The following MDFIC2 variants were observed in gnomAD, a reference collection of about 807,000 sequenced individuals.
The protein encoded by MDFIC2 is MyoD family inhibitor domain containing 2.
intron 2 of MDFIC2, among the ~76,000 whole-genome samples, chr3:70,209,486 T>C (rs1360484892): frequency 6.6e-6 from 1 of 152,054 alleles, no homozygotes; most frequent in Non-Finnish European, 1.5e-5. Context: ...GAGGTAGATA[T>C]TGTTAGCCTC....
intron 2 of MDFIC2, among the ~76,000 whole-genome samples, chr3:70,292,964 T>A (rs957717800): frequency 4.7e-5 from 7 of 149,426 alleles, no homozygotes; most frequent in Non-Finnish European, 1.5e-5. Flanking sequence ...TACTAACAAT[T>A]TAAATGTTTC....
rs1701176060 is a variant in MDFIC2 at position 70,196,040 on chromosome 3, C to A, written c.*886G>T. 6.6e-6 allele frequency among the ~76,000 whole-genome samples: 1 copy of A among 152,156 alleles called. No individual in the cohort carries two copies. The highest frequency in any genetic ancestry group is 2.1e-4 in the South Asian group (1 of 4,834). On this transcript the variant is annotated 3_prime_UTR_variant, in exon 4 of 4. Transcript: ENST00000567252. ...AAGTACCCTCAACGCTTATTTCTTT[C>A]TGGTGTCTATACAAATGATAGTTTT...
rs756405918 is a variant in MDFIC2, at chr3:70,194,661, C to T, written c.*2265G>A. On this transcript the variant is annotated 3_prime_UTR_variant, in exon 4 of 4. Transcript: ENST00000567252. ...GTTCTGACCACATTACCACATAAGA[C>T]CTGGTGATTTTTATGTCTCTAATTG... Among the ~76,000 whole-genome samples, 27 of 152,148 alleles carry T rather than the reference C, an allele frequency of 1.8e-4. No individual in the cohort carries two copies. Among genetic ancestry groups the T allele is most frequent in the Non-Finnish European group, 3.5e-4 (24 of 68,032 alleles).
intron 3 of MDFIC2, among the ~76,000 whole-genome samples, chr3:70,199,380 GAA>G (rs78677995): frequency 6.7e-6 from 1 of 149,680 alleles, no homozygotes; most frequent in Admixed American, 6.7e-5. Context: ...ATTTACAAAA[GAA>G]AAAAAAAAGT....
intron 2 of MDFIC2, chr3:70,283,786 G>C (rs13078037): frequency 2.7e-5 from 4 of 146,604 alleles, no homozygotes; most frequent in African/African-American, 1.0e-4. Flanking sequence ...AAAAAAAAAA[G>C]AGAGAGAAGA....
At chr3:70,293,044 G>GCA in intron 2 of MDFIC2, among the ~76,000 whole-genome samples, 1 of 22,880 alleles carries the variant, frequency 4.4e-5, no homozygotes, top group African/African-American at 1.7e-4. Context: ...GTGGTTTGAA[G>GCA]CAAAAAAAAA....
chr3:70,211,507 GCCCTTCCCTTCCCTTC>G (rs1701347708), intron 2 of MDFIC2, among the ~76,000 whole-genome samples: 1 of 5,280 alleles, frequency 1.9e-4, no homozygotes, highest in African/African-American at 4.1e-4. Context: ...CCTTCCCTTT[GCCCTTCCCTTCCCTTC>G]CCTTCCCTTT....
At position 70,196,587 on chromosome 3, in the gene MDFIC2, C is replaced by T. The variant is rs183031538; in HGVS notation, c.*339G>A. Among the ~76,000 whole-genome samples, 1 of 152,262 alleles carries T rather than the reference C, an allele frequency of 6.6e-6. No homozygotes were observed. On this transcript the variant is annotated 3_prime_UTR_variant, in exon 4 of 4. Transcript: ENST00000567252. ...CTGAATTTGTGAATGAGGTTGAATC[C>T]ATAATGCAAGCTGATGAGTGCAATA...
rs1701186345 is a variant in MDFIC2 at position 70,196,830 on chromosome 3, C to T, written c.*96G>A. On this transcript the variant is annotated 3_prime_UTR_variant, in exon 4 of 4. Coordinates refer to ENST00000567252, the MANE Select transcript of MDFIC2 (RefSeq NM_001364677.1). Reference sequence around the variant, plus strand: ...GCCTATAGCATCCAAGAAATGTGTACAGTCCTTACATTTCAGCACATGGAA... The same window carrying T: ...GCCTATAGCATCCAAGAAATGTGTATAGTCCTTACATTTCAGCACATGGAA... The T allele has an allele frequency of 2.5e-6, 1 of 397,336 alleles. No homozygotes were observed. Among genetic ancestry groups the T allele is most frequent in the African/African-American group, 2.1e-5 (1 of 48,582 alleles). 24.6% of individuals were successfully genotyped at this position (397,336 alleles called of 1,614,324 possible). A position where few individuals can be genotyped will look rare whatever the true frequency, so the allele number is the denominator to read the frequency against.
At chr3:70,295,087 TG>T (rs1465666588) in intron 2 of MDFIC2, among the ~76,000 whole-genome samples, 1 of 152,188 alleles carries the variant, frequency 6.6e-6, no homozygotes, top group Non-Finnish European at 1.5e-5. Context: ...GCAAGGGCAG[TG>T]GGACCATTAT....
intron 2 of MDFIC2, among the ~76,000 whole-genome samples, chr3:70,223,598 C>T (rs1368975056): frequency 6.6e-6 from 1 of 152,102 alleles, no homozygotes; most frequent in Non-Finnish European, 1.5e-5. Flanking sequence ...TATTGTCCTT[C>T]GGGCAGGTAC....
At chr3:70,309,220 C>T (rs115692007) in intron 2 of MDFIC2, among the ~76,000 whole-genome samples, 248 of 152,118 alleles carry the variant, frequency 1.6e-3, no homozygotes, top group African/African-American at 5.7e-3. Context: ...CACTTAAGAG[C>T]CCTGCAAATT....
chr3:70,220,565 C>T (rs1701453042), intron 2 of MDFIC2, among the ~76,000 whole-genome samples: 1 of 152,120 alleles, frequency 6.6e-6, no homozygotes, highest in Non-Finnish European at 1.5e-5. Context: ...TTTCAACATA[C>T]AAAACTAACC....
At chr3:70,242,790 G>A (rs1322941103) in intron 2 of MDFIC2, among the ~76,000 whole-genome samples, 1 of 152,122 alleles carries the variant, frequency 6.6e-6, no homozygotes, top group African/African-American at 2.4e-5. Context: ...AGCTTGGAAA[G>A]TTTACACAAG....
intron 2 of MDFIC2, among the ~76,000 whole-genome samples, chr3:70,281,454 A>G (rs1417409553): frequency 6.6e-6 from 1 of 152,184 alleles, no homozygotes; most frequent in African/African-American, 2.4e-5. Context: ...GTAATCGTGA[A>G]CAGGCCACTT....
At chr3:70,269,346 T>C (rs1457517396) in intron 2 of MDFIC2, among the ~76,000 whole-genome samples, 1 of 152,202 alleles carries the variant, frequency 6.6e-6, no homozygotes, top group Non-Finnish European at 1.5e-5. Flanking sequence ...ATGAATATAC[T>C]GAACTGTAAC....
chr3:70,284,445 T>C (rs1702120342), intron 2 of MDFIC2, among the ~76,000 whole-genome samples: 1 of 152,166 alleles, frequency 6.6e-6, no homozygotes, highest in South Asian at 2.1e-4. Flanking sequence ...CTTTGAAGAA[T>C]GACAAGAGAT....
At chr3:70,208,482 CT>C (rs1231773771) in intron 2 of MDFIC2, among the ~76,000 whole-genome samples, 1 of 152,054 alleles carries the variant, frequency 6.6e-6, no homozygotes, top group Non-Finnish European at 1.5e-5. Flanking sequence ...GTAGAATCAC[CT>C]GGAAAATCTT....
intron 2 of MDFIC2, among the ~76,000 whole-genome samples, chr3:70,263,953 T>A (rs1701891417): frequency 6.6e-6 from 1 of 152,196 alleles, no homozygotes; most frequent in Non-Finnish European, 1.5e-5. Flanking sequence ...TCTAGTTCTT[T>A]AGGTGTCAAC....
Sources: gnomAD v4.1 joint callset for allele counts (sites outside exome capture counted in the v4.1 genomes callset) on GRCh38, gnomAD v4.1.1 for gene constraint, MANE v1.5 for transcripts, NCBI Gene and HGNC (gene_info 2026-07-23, HGNC 2026-07-21) for gene names.